SLC35H1: variants seen among roughly 807,000 people sequenced by gnomAD.
SLC35H1 encodes the protein solute carrier family 35 member H1.
the SLC35H1 span, among the ~76,000 whole-genome samples, chr20:46,354,592 C>T: frequency 1.3e-5 from 2 of 152,182 alleles, no homozygotes; most frequent in Admixed American, 1.3e-4. Context: ...AATAATAGTA[C>T]TGCCACACCA....
chr20:46,355,669 G>A, the SLC35H1 span: 1 of 1,323,808 alleles, frequency 7.6e-7, no homozygotes, highest in South Asian at 1.4e-5. This position sits in a 1 kb window ranked among gnomAD's most constrained non-coding sequence, Gnocchi z 4.8. Flanking sequence ...TCCCTTCTCA[G>A]AAAGGGATCT....
At chr20:46,361,698 C>T in the SLC35H1 span, among the ~76,000 whole-genome samples, 1 of 152,188 alleles carries the variant, frequency 6.6e-6, no homozygotes, top group Non-Finnish European at 1.5e-5. Flanking sequence ...AGTTGTGATA[C>T]CCAAGAAATG....
chr20:46,357,112 CTA>C, the SLC35H1 span, among the ~76,000 whole-genome samples: 2 of 152,342 alleles, frequency 1.3e-5, no homozygotes, highest in South Asian at 4.1e-4. Context: ...ACAGCTGGCA[CTA>C]AATCTCCCTC....
the SLC35H1 span, among the ~76,000 whole-genome samples, chr20:46,354,046 G>A: frequency 6.6e-6 from 1 of 152,074 alleles, no homozygotes. Flanking sequence ...GGGGACAAAG[G>A]CTAATCCCAA....
At chr20:46,358,500 TC>T in the SLC35H1 span, 1 of 1,614,102 alleles carries the variant, frequency 6.2e-7, no homozygotes, top group Non-Finnish European at 8.5e-7. Flanking sequence ...AGGGCCCACC[TC>T]CCCATTCGTG....
chr20:46,355,397 T>C, the SLC35H1 span: 276 of 795,636 alleles, frequency 3.5e-4, 2 homozygotes, highest in African/African-American at 2.7e-3. The surrounding 1 kb of genome is among the most constrained non-coding windows in gnomAD (Gnocchi z 4.8). Context: ...TGGACAGTCC[T>C]TGCCCACCAA....
At chr20:46,360,586 C>T in the SLC35H1 span, among the ~76,000 whole-genome samples, 1 of 151,910 alleles carries the variant, frequency 6.6e-6, no homozygotes, top group African/African-American at 2.4e-5. Flanking sequence ...CTCCTGTTGC[C>T]CAGGCTGGAG....
At chr20:46,362,957 G>A in the SLC35H1 span, 1 of 152,292 alleles carries the variant, frequency 6.6e-6, no homozygotes, top group Non-Finnish European at 1.5e-5. Flanking sequence ...GTGGAGACAG[G>A]GTTTCTCCAT....
At chr20:46,355,413 G>A in the SLC35H1 span, 2 of 710,654 alleles carry the variant, frequency 2.8e-6, no homozygotes, top group Non-Finnish European at 4.6e-6. This position sits in a 1 kb window ranked among gnomAD's most constrained non-coding sequence, Gnocchi z 4.8. Context: ...ACCAATGTCA[G>A]CATGTAGGGC....
chr20:46,354,443 G>C, the SLC35H1 span, among the ~76,000 whole-genome samples: 2 of 152,316 alleles, frequency 1.3e-5, no homozygotes, highest in South Asian at 4.1e-4. Flanking sequence ...GGCAAGATAG[G>C]GTGGTTAAGA....
the SLC35H1 span, among the ~76,000 whole-genome samples, chr20:46,360,051 G>A: frequency 6.6e-6 from 1 of 152,204 alleles, no homozygotes; most frequent in Non-Finnish European, 1.5e-5. Flanking sequence ...CTGGCGTTCA[G>A]TAAGCAGGGA....
At chr20:46,354,382 G>A in the SLC35H1 span, among the ~76,000 whole-genome samples, 1 of 152,122 alleles carries the variant, frequency 6.6e-6, no homozygotes. Flanking sequence ...TTTCTGACTT[G>A]CCTGATTACT....
chr20:46,347,206 A>G, the SLC35H1 span: 1 of 152,250 alleles, frequency 6.6e-6, no homozygotes, highest in Non-Finnish European at 1.5e-5. Context: ...AATCACAGCA[A>G]AGAGAGACAC....
At chr20:46,358,589 G>C in the SLC35H1 span, 1 of 1,604,868 alleles carries the variant, frequency 6.2e-7, no homozygotes, top group East Asian at 2.3e-5. Context: ...AGAGCCGGTG[G>C]AGTTAGACCA....
At chr20:46,348,318 T>C in the SLC35H1 span, 1 of 152,180 alleles carries the variant, frequency 6.6e-6, no homozygotes, top group Non-Finnish European at 1.5e-5. Flanking sequence ...GCTTGCTCCC[T>C]GTGCTGGGAG....
chr20:46,355,001 C>A, the SLC35H1 span: 2 of 1,613,764 alleles, frequency 1.2e-6, no homozygotes, highest in Non-Finnish European at 1.7e-6. The surrounding 1 kb of genome is among the most constrained non-coding windows in gnomAD (Gnocchi z 4.8). Context: ...CAGGTCTGGT[C>A]CGGCCCTGCC....
At chr20:46,356,512 C>T in the SLC35H1 span, 62 of 1,565,788 alleles carry the variant, frequency 4.0e-5, 1 homozygote, top group South Asian at 2.0e-4. Flanking sequence ...GTGCAGACAC[C>T]CCGCTGGACA....
At chr20:46,358,326 C>T in the SLC35H1 span, 23 of 1,459,214 alleles carry the variant, frequency 1.6e-5, no homozygotes, top group South Asian at 5.7e-5. Context: ...TGAAGGGCAC[C>T]GTAGCCATGG....
the SLC35H1 span, among the ~76,000 whole-genome samples, chr20:46,361,143 C>T: frequency 6.6e-6 from 1 of 152,156 alleles, no homozygotes; most frequent in Non-Finnish European, 1.5e-5. Flanking sequence ...ATCTCACTCA[C>T]ATCTAGAGTG....
Sources: allele counts gnomAD v4.1 joint callset (sites outside exome capture counted in the v4.1 genomes callset), GRCh38; gene constraint gnomAD v4.1.1; non-coding constraint Gnocchi (gnomAD v3.1); transcripts MANE v1.5; gene names NCBI Gene and HGNC (gene_info 2026-07-23, HGNC 2026-07-21).